Variants in ECHDC1 observed in about 807,000 individuals in gnomAD.
ECHDC1 encodes the protein ethylmalonyl-CoA decarboxylase 1.
A neutral mutation model predicts 29.7 loss-of-function variants in ECHDC1; 29 were observed. That is an observed-to-expected ratio of 0.98 (90% CI 0.73 to 1.33). The LOEUF (loss-of-function observed/expected upper bound fraction) is 1.33, where lower values mean the gene tolerates loss of function less well. ECHDC1 is among the 40% of genes most tolerant of loss of function. The pLI is 0.00. For synonymous variants in ECHDC1, 126 were observed against 123.1 expected (o/e 1.02, Z -0.15); for missense variants, 328 against 350.0 (o/e 0.94, Z 0.50).
At chr6:127,303,009 T>C (rs1582942791) in intron 5 of ECHDC1, among the ~76,000 whole-genome samples, 2 of 152,232 alleles carry the variant, frequency 1.3e-5, no homozygotes, top group African/African-American at 4.8e-5. Flanking sequence ...ACACTAGTTT[T>C]CAAGAGGCTA....
rs965535918 is a variant in ECHDC1 at position 127,299,612 on chromosome 6, A to G, written c.498-9335T>C. Among the ~76,000 whole-genome samples the G allele has an allele frequency of 2.6e-5, 4 of 152,148 alleles. No homozygotes were observed. The South Asian group carries it at 6.2e-4, about 24-fold the overall frequency. On this transcript the variant is annotated intron_variant, in intron 5 of 5. Coordinates refer to ENST00000454859, the MANE Select transcript of ECHDC1 (RefSeq NM_001002030.2). ...AATAAAAAAGTTTTTTAAAATTAAAAAGCTTATATAGTACAAAAGTTACAG... is the reference window on the plus strand; with the variant it reads ...AATAAAAAAGTTTTTTAAAATTAAAGAGCTTATATAGTACAAAAGTTACAG...
chr6:127,332,389 C>T (rs1562333143), intron 1 of ECHDC1, among the ~76,000 whole-genome samples: 1 of 152,066 alleles, frequency 6.6e-6, no homozygotes, highest in Non-Finnish European at 1.5e-5. Context: ...TTTATTTTGC[C>T]AAGGTTAGGA....
At chr6:127,315,125 A>T (rs1055658048) in intron 4 of ECHDC1, 5 of 664,854 alleles carry the variant, frequency 7.5e-6, no homozygotes, top group African/African-American at 7.1e-5. Flanking sequence ...ACATAAGTTC[A>T]TTAAAATACC....
chr6:127,329,826 G>A, intron 2 of ECHDC1: 1 of 440,074 alleles, frequency 2.3e-6, no homozygotes, highest in Non-Finnish European at 4.5e-6. Flanking sequence ...GCTCACCTTT[G>A]TTTCTTACAT....
intron 5 of ECHDC1, among the ~76,000 whole-genome samples, chr6:127,305,391 C>T (rs1781365652): frequency 6.6e-6 from 1 of 152,144 alleles, no homozygotes; most frequent in South Asian, 2.1e-4. Flanking sequence ...GGGATTTCAT[C>T]AACACCAGAC....
At chr6:127,334,696 T>C (rs1784282086) in intron 1 of ECHDC1, among the ~76,000 whole-genome samples, 1 of 152,124 alleles carries the variant, frequency 6.6e-6, no homozygotes, top group South Asian at 2.1e-4. Flanking sequence ...TTTTATATTA[T>C]TGCTTCTCCC....
intron 2 of ECHDC1, among the ~76,000 whole-genome samples, chr6:127,329,590 G>A (rs1323298188): frequency 1.3e-5 from 2 of 152,004 alleles, no homozygotes; most frequent in African/African-American, 4.8e-5. Flanking sequence ...CACTTGATAC[G>A]TGGCTAGTCC....
At chr6:127,334,833 C>A (rs1268047966) in intron 1 of ECHDC1, among the ~76,000 whole-genome samples, 1 of 151,560 alleles carries the variant, frequency 6.6e-6, no homozygotes, top group Non-Finnish European at 1.5e-5. Context: ...TTTATCCCAG[C>A]TCAGTATACT....
intron 3 of ECHDC1, among the ~76,000 whole-genome samples, chr6:127,325,425 C>G (rs2114659706): frequency 6.6e-6 from 1 of 151,988 alleles, no homozygotes; most frequent in African/African-American, 2.4e-5. Context: ...TTTCTTTTTT[C>G]TTTTTAACAC....
chr6:127,318,889 G>T (rs573098573), intron 3 of ECHDC1, among the ~76,000 whole-genome samples: 1 of 152,326 alleles, frequency 6.6e-6, no homozygotes, highest in Non-Finnish European at 1.5e-5. Flanking sequence ...TGTATCTCAC[G>T]AAGTGATGAG....
chr6:127,312,903 A>C (rs1047687525), intron 5 of ECHDC1, among the ~76,000 whole-genome samples: 1 of 152,326 alleles, frequency 6.6e-6, no homozygotes, highest in African/African-American at 2.4e-5. Flanking sequence ...ACACTGAATT[A>C]AAGAAGGCAG....
intron 5 of ECHDC1, among the ~76,000 whole-genome samples, chr6:127,304,375 G>T (rs1781286049): frequency 6.6e-6 from 1 of 152,162 alleles, no homozygotes; most frequent in Non-Finnish European, 1.5e-5. Flanking sequence ...ATACAGCTTA[G>T]ATCACAACAC....
chr6:127,311,072 G>T (rs1781861530), intron 5 of ECHDC1, among the ~76,000 whole-genome samples: 1 of 152,028 alleles, frequency 6.6e-6, no homozygotes, highest in South Asian at 2.1e-4. Flanking sequence ...ATACGCACTG[G>T]GAAACCAAAC....
chr6:127,334,642 T>C (rs1784276830), intron 1 of ECHDC1, among the ~76,000 whole-genome samples: 1 of 152,092 alleles, frequency 6.6e-6, no homozygotes, highest in African/African-American at 2.4e-5. Flanking sequence ...ACACAATCAA[T>C]ACAGAACACC....
At chr6:127,327,694 A>G (rs1045203546) in intron 2 of ECHDC1, among the ~76,000 whole-genome samples, 1 of 152,174 alleles carries the variant, frequency 6.6e-6, no homozygotes, top group Non-Finnish European at 1.5e-5. Context: ...CATGGTTAAC[A>G]AACTGTCCTC....
chr6:127,333,379 A>T (rs1784135821), intron 1 of ECHDC1, among the ~76,000 whole-genome samples: 1 of 152,074 alleles, frequency 6.6e-6, no homozygotes, highest in Non-Finnish European at 1.5e-5. Context: ...TATTATATAA[A>T]TATACCACAA....
intron 1 of ECHDC1, among the ~76,000 whole-genome samples, chr6:127,337,716 A>G (rs1445460991): frequency 1.3e-5 from 2 of 152,174 alleles, no homozygotes; most frequent in Non-Finnish European, 2.9e-5. Context: ...GTTCGCATCA[A>G]CAACACCTAT....
At chr6:127,329,903 T>C (rs1283105848) in intron 2 of ECHDC1, 1 of 455,140 alleles carries the variant, frequency 2.2e-6, no homozygotes, top group African/African-American at 2.0e-5. Context: ...GAGAGAAAAG[T>C]CATCTTGGGT....
chr6:127,311,669 C>CAAAAAAAAAAAAAAAAAAAAAAAA (rs71272311), intron 5 of ECHDC1, among the ~76,000 whole-genome samples: 47 of 25,042 alleles, frequency 1.9e-3, no homozygotes, highest in Non-Finnish European at 3.3e-3. Context: ...GGCTCTGTCT[C>CAAAAAAAAAAAAAAAAAAAAAAAA]AAAAAAAAAA....
Sources: gnomAD v4.1 joint callset for allele counts (sites outside exome capture counted in the v4.1 genomes callset) on GRCh38, gnomAD v4.1.1 for gene constraint, MANE v1.5 for transcripts, NCBI Gene and HGNC (gene_info 2026-07-23, HGNC 2026-07-21) for gene names.